HMG20A: variants seen among roughly 807,000 people sequenced by gnomAD.
The protein encoded by HMG20A is high mobility group protein 20A.
In HMG20A, 17 loss-of-function variants were observed where a neutral mutation model predicts 43.9. That is an observed-to-expected ratio of 0.39 (90% CI 0.27 to 0.58). The LOEUF (loss-of-function observed/expected upper bound fraction) is 0.58, where lower values mean the gene tolerates loss of function less well. HMG20A is among the 20% of genes least tolerant of loss of function. The probability of loss-of-function intolerance (pLI) is 0.59; values close to 1 mark genes in which losing one functional copy is unlikely to be tolerated. For missense variants in HMG20A, 341 were observed against 438.2 expected (o/e 0.78, Z 1.98); for synonymous variants, 132 against 147.5 (o/e 0.89, Z 0.76).
rs1053021164 is a variant in HMG20A at position 77,476,087 on chromosome 15, G to A, written c.616-1468G>A. 5.9e-5 allele frequency among the ~76,000 whole-genome samples: 9 copies of A among 152,278 alleles called. 1 individual carries two copies. The East Asian group carries it at 1.7e-3, about 29-fold the overall frequency. On this transcript the variant is annotated intron_variant, in intron 6 of 9. Transcript: ENST00000336216. The stretch of plus-strand genomic sequence containing the variant: ...CCAGCCCCCTTACTAGGCGGCCACC[G>A]TTATGAATACAGGAGCTCGGGTGTC...
At chr15:77,467,029 T>C (rs2072762465) in intron 3 of HMG20A, 66 bp from the exon 4 acceptor site, 2 of 1,319,024 alleles carry the variant, frequency 1.5e-6, no homozygotes, top group East Asian at 4.8e-5. Context: ...TTTTTGTTGT[T>C]GTTGGGTTAT....
intron 1 of HMG20A, among the ~76,000 whole-genome samples, chr15:77,451,962 T>C (rs573397442): frequency 3.3e-5 from 5 of 152,350 alleles, no homozygotes; most frequent in Non-Finnish European, 7.3e-5. Context: ...GACTCTATTG[T>C]TTGAAGATAG....
the HMG20A span, among the ~76,000 whole-genome samples, chr15:77,498,345 T>C: frequency 6.6e-6 from 1 of 152,222 alleles, no homozygotes; most frequent in East Asian, 1.9e-4. Flanking sequence ...CTAGTTTCAA[T>C]CTAGGCACGT....
intron 1 of HMG20A, among the ~76,000 whole-genome samples, chr15:77,433,830 A>G (rs951188261): frequency 6.6e-6 from 1 of 152,234 alleles, no homozygotes; most frequent in Non-Finnish European, 1.5e-5. Context: ...TGCTCTATAG[A>G]TTAAATGGAA....
At chr15:77,427,712 C>CA (rs1183472611) in intron 1 of HMG20A, among the ~76,000 whole-genome samples, 2 of 151,136 alleles carry the variant, frequency 1.3e-5, no homozygotes, top group Non-Finnish European at 3.0e-5. Flanking sequence ...TTATTCAGCT[C>CA]AAAAAAAAAT....
intron 1 of HMG20A, among the ~76,000 whole-genome samples, chr15:77,436,082 C>T (rs1172172953): frequency 6.6e-6 from 1 of 152,224 alleles, no homozygotes; most frequent in Non-Finnish European, 1.5e-5. Context: ...CAGAGTACAA[C>T]TTGATATTTT....
chr15:77,476,609 T>C lies in HMG20A; in HGVS notation c.616-946T>C, dbSNP rs1047734554. On this transcript the variant is annotated intron_variant, in intron 6 of 9. Coordinates refer to ENST00000336216, the MANE Select transcript of HMG20A (RefSeq NM_001304504.2). ...AGGTATTATGTTTGCATGTTTTTCATGTTATAAAGGTCCTGGGATCTTAAG... is the reference window on the plus strand; with the variant it reads ...AGGTATTATGTTTGCATGTTTTTCACGTTATAAAGGTCCTGGGATCTTAAG... Among the ~76,000 whole-genome samples the C allele has an allele frequency of 2.0e-5, 3 of 152,128 alleles. No individual in the cohort carries two copies. The South Asian group carries it at 6.2e-4, about 31-fold the overall frequency.
intron 1 of HMG20A, among the ~76,000 whole-genome samples, chr15:77,436,913 G>A (rs909899799): frequency 1.3e-5 from 2 of 152,162 alleles, no homozygotes; most frequent in African/African-American, 4.8e-5. Context: ...TTTCTGACAT[G>A]GCCCCAGATC....
the HMG20A span, among the ~76,000 whole-genome samples, chr15:77,515,491 G>A: frequency 6.6e-6 from 1 of 152,034 alleles, no homozygotes. Context: ...GTTTCCCCAT[G>A]TTGCACAGGC....
the HMG20A span, among the ~76,000 whole-genome samples, chr15:77,506,813 C>T: frequency 6.6e-6 from 1 of 152,216 alleles, no homozygotes; most frequent in Non-Finnish European, 1.5e-5. Context: ...AGCCATGGCC[C>T]TTGTAGGCGT....
chr15:77,490,776 G>A, the HMG20A span, among the ~76,000 whole-genome samples: 1 of 152,178 alleles, frequency 6.6e-6, no homozygotes, highest in Non-Finnish European at 1.5e-5. Context: ...GAAAAATCAA[G>A]GATTTGTTTT....
At chr15:77,430,504 G>C (rs1184482841) in intron 1 of HMG20A, among the ~76,000 whole-genome samples, 1 of 152,256 alleles carries the variant, frequency 6.6e-6, no homozygotes, top group Non-Finnish European at 1.5e-5. Context: ...CTTCAGAGAA[G>C]TGGGCTGATG....
chr15:77,433,597 T>A (rs2073512870), intron 1 of HMG20A, among the ~76,000 whole-genome samples: 1 of 152,214 alleles, frequency 6.6e-6, no homozygotes, highest in African/African-American at 2.4e-5. Context: ...TCTAAAAGAA[T>A]CTATAGACAA....
chr15:77,514,594 T>G, the HMG20A span, among the ~76,000 whole-genome samples: 3 of 151,922 alleles, frequency 2.0e-5, no homozygotes, highest in Non-Finnish European at 4.4e-5. Context: ...TGAAATAAGG[T>G]TAGTGTGTAT....
intron 1 of HMG20A, among the ~76,000 whole-genome samples, chr15:77,422,971 T>C (rs2073386736): frequency 6.6e-6 from 1 of 152,072 alleles, no homozygotes; most frequent in African/African-American, 2.4e-5. Flanking sequence ...GAAACTGTAG[T>C]GTTAGGAATT....
intron 4 of HMG20A, among the ~76,000 whole-genome samples, chr15:77,470,311 C>A (rs2072795609): frequency 3.3e-5 from 5 of 152,164 alleles, no homozygotes; most frequent in Admixed American, 3.3e-4. Context: ...TAATTAATAG[C>A]ACAAAGCAAT....
chr15:77,469,646 C>CATTT (rs963365936), intron 4 of HMG20A, among the ~76,000 whole-genome samples: 1 of 151,198 alleles, frequency 6.6e-6, no homozygotes, highest in African/African-American at 2.4e-5. Flanking sequence ...CCCCTACCCC[C>CATTT]ATTTATTTAT....
downstream of HMG20A, among the ~76,000 whole-genome samples, chr15:77,488,209 A>AT (rs924620015): frequency 6.6e-6 from 1 of 152,178 alleles, no homozygotes. Context: ...AGTGTAAGAG[A>AT]TTCTCTTATT....
downstream of HMG20A, among the ~76,000 whole-genome samples, chr15:77,488,744 A>T (rs2072957985): frequency 6.6e-6 from 1 of 152,240 alleles, no homozygotes; most frequent in Non-Finnish European, 1.5e-5. Flanking sequence ...ATAGATCATT[A>T]AATCAGTAAG....
Sources: gnomAD v4.1 joint callset for allele counts (sites outside exome capture counted in the v4.1 genomes callset) on GRCh38, gnomAD v4.1.1 for gene constraint, MANE v1.5 for transcripts, NCBI Gene and HGNC (gene_info 2026-07-23, HGNC 2026-07-21) for gene names.